The following GRK5 variants were observed in gnomAD, a reference collection of about 807,000 sequenced individuals.
The protein encoded by GRK5 is G protein-coupled receptor kinase 5.
In GRK5, 40 loss-of-function variants were observed where a neutral mutation model predicts 78.4. The observed-to-expected ratio is 0.51, with a 90% CI of 0.40 to 0.66. The LOEUF is 0.66. Ranked by LOEUF, GRK5 falls within the 30% of genes least tolerant of loss-of-function variation. The pLI is 0.00. For missense variants in GRK5, 598 were observed against 759.9 expected (o/e 0.79, Z 2.50); for synonymous variants, 289 against 296.8 (o/e 0.97, Z 0.27).
intron 1 of GRK5, among the ~76,000 whole-genome samples, chr10:119,225,714 A>G (rs1848724618): frequency 7.0e-6 from 1 of 143,616 alleles, no homozygotes; most frequent in Admixed American, 7.3e-5. Context: ...TCTGTCACCC[A>G]GGCTGGAGTG....
chr10:119,391,305 CT>C (rs1851884562), intron 3 of GRK5, among the ~76,000 whole-genome samples: 1 of 152,170 alleles, frequency 6.6e-6, no homozygotes, highest in Non-Finnish European at 1.5e-5. Flanking sequence ...CCTGGGGCCC[CT>C]GGGGGACACC....
chr10:119,208,785 T>TA (rs1018470855), intron 1 of GRK5: 1 of 152,150 alleles, frequency 6.6e-6, no homozygotes, highest in African/African-American at 2.4e-5. Context: ...TTTTGACTCT[T>TA]CCTTTTGATG....
chr10:119,442,092 A>G lies in GRK5; in HGVS notation c.1057+4A>G. The G allele has an allele frequency of 6.2e-7, 1 of 1,612,706 alleles. No individual in the cohort carries two copies. Among genetic ancestry groups the G allele is most frequent in the Non-Finnish European group, 8.5e-7 (1 of 1,178,890 alleles). On this transcript the variant is annotated splice_donor_region_variant and intron_variant, in intron 11 of 15. Transcript: ENST00000392870. ...GTGGGCACTGTTGGCTACATGGGTG[A>G]GTGCTGGGCTGCCTGTGTCAATGCA...
At chr10:119,358,799 A>G (rs1851309132) in intron 2 of GRK5, among the ~76,000 whole-genome samples, 1 of 152,134 alleles carries the variant, frequency 6.6e-6, no homozygotes, top group Non-Finnish European at 1.5e-5. Flanking sequence ...TTCTTTCCTC[A>G]CAGTTCTGGG....
chr10:119,321,473 G>C (rs975507359), intron 1 of GRK5, among the ~76,000 whole-genome samples: 2 of 152,154 alleles, frequency 1.3e-5, no homozygotes, highest in Non-Finnish European at 2.9e-5. Context: ...GCCTTGGCTC[G>C]TGGCCCCTTC....
chr10:119,381,050 C>A, intron 3 of GRK5, 123 bp downstream of exon 3: 1 of 614,848 alleles, frequency 1.6e-6, no homozygotes, highest in Non-Finnish European at 2.9e-6. Flanking sequence ...GCTTACAAAA[C>A]TCCCACTACA....
At chr10:119,415,081 C>CAAAAAAAAAAA (rs762165768) in intron 4 of GRK5, among the ~76,000 whole-genome samples, 3 of 75,732 alleles carry the variant, frequency 4.0e-5, no homozygotes, top group African/African-American at 9.6e-5. Context: ...GACTCTGTCT[C>CAAAAAAAAAAA]AAAAAAAAAA....
chr10:119,287,837 A>G (rs972499253), intron 1 of GRK5, among the ~76,000 whole-genome samples: 2 of 152,182 alleles, frequency 1.3e-5, no homozygotes, highest in Non-Finnish European at 2.9e-5. Context: ...CCCCCATACC[A>G]TAGAGGACGC....
chr10:119,374,163 G>T (rs1024596144), intron 2 of GRK5, among the ~76,000 whole-genome samples: 1 of 152,232 alleles, frequency 6.6e-6, no homozygotes, highest in Non-Finnish European at 1.5e-5. Context: ...CATTTGTGAA[G>T]CTGGCATGCC....
At position 119,431,098 on chromosome 10, in the gene GRK5, G is replaced by C. The variant is rs952603894; in HGVS notation, c.598-289G>C. Among the ~76,000 whole-genome samples the C allele has an allele frequency of 5.3e-5, 8 of 152,196 alleles. No individual in the cohort carries two copies. The highest frequency in any genetic ancestry group is 8.8e-5 in the Non-Finnish European group (6 of 68,038). On this transcript the variant is annotated intron_variant, in intron 7 of 15. Coordinates refer to ENST00000392870, the MANE Select transcript of GRK5 (RefSeq NM_005308.3). The surrounding 1 kb of genome is among the most constrained non-coding windows in gnomAD (Gnocchi z 4.8). ...TTGCCCTGGGAATGGAACGGTACTTGGGGCCCCAGTCAGTTATCTAAGCCT... is the reference window on the plus strand; with the variant it reads ...TTGCCCTGGGAATGGAACGGTACTTCGGGCCCCAGTCAGTTATCTAAGCCT...
rs1053315322 is a variant in GRK5 at position 119,445,588 on chromosome 10, T to C, written c.1266+1836T>C. Reference sequence around the variant, plus strand: ...ACCTGTCCCGTGGGTACAAAACCACTGTCCTCTGGAAGCCTCTGGCCTTGC... The same window carrying C: ...ACCTGTCCCGTGGGTACAAAACCACCGTCCTCTGGAAGCCTCTGGCCTTGC... On this transcript the variant is annotated intron_variant, in intron 12 of 15. Transcript: ENST00000392870. The surrounding 1 kb of genome is among the most constrained non-coding windows in gnomAD (Gnocchi z 4.1). 6.6e-6 allele frequency among the ~76,000 whole-genome samples: 1 copy of C among 152,188 alleles called. No homozygotes were observed. The highest frequency in any genetic ancestry group is 1.5e-5 in the Non-Finnish European group (1 of 68,032).
chr10:119,237,179 CA>C (rs1178003680), intron 1 of GRK5, among the ~76,000 whole-genome samples: 4 of 150,582 alleles, frequency 2.7e-5, no homozygotes, highest in Admixed American at 1.3e-4. Flanking sequence ...TCTCGTGTCT[CA>C]GCCACTTGAG....
In GRK5 at chr10:119,452,554, T is replaced by C. The variant is rs1382449265; in HGVS notation, c.1405-117T>C. ...ACCCTCCAGCCACTACCCATAGCAG[T>C]TCTGGGGGTGTGTCCTGGGAAGACT... On this transcript the variant is annotated intron_variant, in intron 13 of 15. Coordinates refer to ENST00000392870, the MANE Select transcript of GRK5 (RefSeq NM_005308.3). The surrounding 1 kb of genome is among the most constrained non-coding windows in gnomAD (Gnocchi z 4.4). 3 of 1,226,754 alleles carry C rather than the reference T, an allele frequency of 2.4e-6. No individual in the cohort carries two copies. The highest frequency in any genetic ancestry group is 3.4e-6 in the Non-Finnish European group (3 of 873,324). 76.0% of individuals were successfully genotyped at this position (1,226,754 alleles called of 1,614,324 possible). A position where few individuals can be genotyped will look rare whatever the true frequency, so the allele number is the denominator to read the frequency against.
chr10:119,380,237 A>T (rs1851690378), intron 2 of GRK5, among the ~76,000 whole-genome samples: 1 of 152,158 alleles, frequency 6.6e-6, no homozygotes, highest in Admixed American at 6.5e-5. Context: ...TGATCCAGAG[A>T]TTCATGACAT....
In GRK5 at chr10:119,271,261, C is replaced by T. The variant is rs201005292; in HGVS notation, c.53-55255C>T. On this transcript the variant is annotated intron_variant, in intron 1 of 15. Coordinates refer to ENST00000392870, the MANE Select transcript of GRK5 (RefSeq NM_005308.3). The surrounding 1 kb of genome is among the most constrained non-coding windows in gnomAD (Gnocchi z 4.1). ...TCATTCAGAGAGGCCCTCTCAGACACGCCTGGCCTCTTTAGAGGCTCTCTC... is the reference window on the plus strand; with the variant it reads ...TCATTCAGAGAGGCCCTCTCAGACATGCCTGGCCTCTTTAGAGGCTCTCTC... Among the ~76,000 whole-genome samples the T allele has an allele frequency of 2.0e-5, 3 of 152,330 alleles. No homozygotes were observed. The highest frequency in any genetic ancestry group is 2.1e-4 in the South Asian group (1 of 4,826).
chr10:119,244,381 A>G (rs1849073386), intron 1 of GRK5, among the ~76,000 whole-genome samples: 1 of 152,222 alleles, frequency 6.6e-6, no homozygotes, highest in Non-Finnish European at 1.5e-5. Context: ...CTATTCAATA[A>G]CAACAACAAC....
chr10:119,291,932 T>TTTCCTCCTTCTC, intron 1 of GRK5, among the ~76,000 whole-genome samples: 1 of 89,520 alleles, frequency 1.1e-5, no homozygotes, highest in East Asian at 3.7e-4. Context: ...TCCTCCTTCT[T>TTTCCTCCTTCTC]TTCCTCCTCT....
intron 2 of GRK5, among the ~76,000 whole-genome samples, chr10:119,354,118 T>G (rs973813155): frequency 6.6e-6 from 1 of 151,774 alleles, no homozygotes; most frequent in African/African-American, 2.4e-5. Flanking sequence ...TTTCTTTATT[T>G]AAAAAAATGT....
chr10:119,312,798 A>G (rs1400011172), intron 1 of GRK5, among the ~76,000 whole-genome samples: 3 of 152,238 alleles, frequency 2.0e-5, no homozygotes, highest in Admixed American at 2.0e-4. Flanking sequence ...TATGTAGGGC[A>G]TAGTAGGGTA....
Sources: gnomAD v4.1 joint callset for allele counts (sites outside exome capture counted in the v4.1 genomes callset) on GRCh38, gnomAD v4.1.1 for gene constraint, Gnocchi (gnomAD v3.1) non-coding constraint, MANE v1.5 for transcripts, NCBI Gene and HGNC (gene_info 2026-07-23, HGNC 2026-07-21) for gene names.